The following KCTD8 variants were observed in gnomAD, a reference collection of about 807,000 sequenced individuals.
KCTD8 encodes BTB/POZ domain-containing protein KCTD8.
In KCTD8, 27 loss-of-function variants were observed where a neutral mutation model predicts 31.5. That is an observed-to-expected ratio of 0.86 (90% CI 0.63 to 1.18). The LOEUF (loss-of-function observed/expected upper bound fraction) is 1.18, where lower values mean the gene tolerates loss of function less well. Ranked by LOEUF, KCTD8 falls within the 50% of genes most tolerant of loss-of-function variation. The pLI is 0.00. For synonymous variants in KCTD8, 290 were observed against 280.0 expected (o/e 1.04, Z -0.36); for missense variants, 658 against 647.7 (o/e 1.02, Z -0.17).
At chr4:44,394,602 T>C (rs1170188001) in intron 1 of KCTD8, among the ~76,000 whole-genome samples, 7 of 152,082 alleles carry the variant, frequency 4.6e-5, no homozygotes, top group Admixed American at 4.6e-4. Flanking sequence ...TTCAAATCTG[T>C]CTCTCTGACA....
intron 1 of KCTD8, among the ~76,000 whole-genome samples, chr4:44,212,915 C>T (rs1249213698): frequency 1.3e-4 from 20 of 151,912 alleles, no homozygotes; most frequent in Admixed American, 1.3e-3. Flanking sequence ...ATTCACTCTT[C>T]TTTTGTCTTT....
intron 1 of KCTD8, among the ~76,000 whole-genome samples, chr4:44,264,827 G>C (rs538733131): frequency 1.3e-5 from 2 of 152,198 alleles, no homozygotes; most frequent in African/African-American, 4.8e-5. Flanking sequence ...AGGCAGCAGC[G>C]AGGCTGGGGG....
At chr4:44,231,343 C>T (rs557777775) in intron 1 of KCTD8, among the ~76,000 whole-genome samples, 6 of 152,036 alleles carry the variant, frequency 3.9e-5, no homozygotes, top group South Asian at 2.1e-4. Context: ...CTATAATTAG[C>T]GAGCACTGTA....
intron 1 of KCTD8, among the ~76,000 whole-genome samples, chr4:44,284,109 C>A (rs778949295): frequency 7.2e-4 from 109 of 151,952 alleles, no homozygotes; most frequent in Non-Finnish European, 1.4e-3. Flanking sequence ...ACTTTCTTCA[C>A]AGAATTCGAA....
At chr4:44,191,690 C>T (rs547143677) in intron 1 of KCTD8, among the ~76,000 whole-genome samples, 6 of 152,204 alleles carry the variant, frequency 3.9e-5, no homozygotes, top group East Asian at 1.9e-4. Flanking sequence ...GAAAAAATCC[C>T]GCCCTGGTAA....
chr4:44,184,013 A>G (rs1370033858), intron 1 of KCTD8, among the ~76,000 whole-genome samples: 1 of 152,230 alleles, frequency 6.6e-6, no homozygotes, highest in Non-Finnish European at 1.5e-5. Flanking sequence ...ACAAACATTT[A>G]CTGAGCACCT....
rs370563352 is a variant in KCTD8, at chr4:44,211,111, C to T, written c.962-35861G>A. ...ATTAGAATGAAGGAAATATTAGGCT[C>T]ATTTTATTTATTTTTTAAAATTTTG... On this transcript the variant is annotated intron_variant, in intron 1 of 1. Transcript: ENST00000360029. Among the ~76,000 whole-genome samples, 3 of 152,102 alleles carry T rather than the reference C, an allele frequency of 2.0e-5. 1 individual carries two copies. Among genetic ancestry groups the T allele is most frequent in the South Asian group, 4.1e-4 (2 of 4,822 alleles).
chr4:44,313,215 G>A (rs930966354), intron 1 of KCTD8, among the ~76,000 whole-genome samples: 1 of 152,178 alleles, frequency 6.6e-6, no homozygotes, highest in African/African-American at 2.4e-5. Flanking sequence ...CACTTCTAGT[G>A]TTTTGCCCAA....
At chr4:44,237,591 A>T (rs1715330332) in intron 1 of KCTD8, among the ~76,000 whole-genome samples, 1 of 152,194 alleles carries the variant, frequency 6.6e-6, no homozygotes, top group Non-Finnish European at 1.5e-5. Flanking sequence ...CATCTGTTTA[A>T]CTCACATATC....
At chr4:44,405,241 T>G (rs935069580) in intron 1 of KCTD8, among the ~76,000 whole-genome samples, 21 of 149,410 alleles carry the variant, frequency 1.4e-4, no homozygotes, top group Middle Eastern at 3.4e-3. Flanking sequence ...AGCCAGGTGT[T>G]TTTGTTTGTT....
intron 1 of KCTD8, among the ~76,000 whole-genome samples, chr4:44,355,539 T>A (rs1719321126): frequency 6.6e-6 from 1 of 152,212 alleles, no homozygotes; most frequent in Non-Finnish European, 1.5e-5. Flanking sequence ...TTTAAAAATA[T>A]TCTTTGCCAT....
chr4:44,219,052 G>C (rs2109347103), intron 1 of KCTD8, among the ~76,000 whole-genome samples: 1 of 152,218 alleles, frequency 6.6e-6, no homozygotes, highest in East Asian at 1.9e-4. Context: ...ACACAGGTTT[G>C]CTTCACTCAC....
chr4:44,175,099 G>C lies in KCTD8; in HGVS notation c.1113C>G (p.Asp371Glu). 3.7e-6 allele frequency: 6 copies of C among 1,614,064 alleles called. No homozygotes were observed. The highest frequency in any genetic ancestry group is 5.1e-6 in the Non-Finnish European group (6 of 1,179,988). Residue 371 changes from aspartate to glutamate, a missense_variant, in exon 2 of 2, where the codon GAC becomes GAG. Physicochemically the swap from Asp to Glu is conservative, Grantham distance 45. Coordinates refer to ENST00000360029, the MANE Select transcript of KCTD8 (RefSeq NM_198353.3). Reference protein sequence around the residue: ...DSHSEASTPQDNPSSAQQATA... With the variant: ...DSHSEASTPQENPSSAQQATA... ...TTGCCTGCTGGGCACTGGATGGGTT[G>C]TCCTGGGGAGTGCTTGCCTCTGAAT...
intron 1 of KCTD8, among the ~76,000 whole-genome samples, chr4:44,242,759 C>T (rs544909749): frequency 5.9e-5 from 9 of 152,186 alleles, no homozygotes; most frequent in Admixed American, 5.9e-4. Flanking sequence ...CCCCTTGGTG[C>T]TGTCCTCTTA....
chr4:44,263,153 T>G (rs1452178395), intron 1 of KCTD8, among the ~76,000 whole-genome samples: 1 of 152,148 alleles, frequency 6.6e-6, no homozygotes, highest in Non-Finnish European at 1.5e-5. Flanking sequence ...CTTTTTATAT[T>G]TTTATAATCT....
intron 1 of KCTD8, among the ~76,000 whole-genome samples, chr4:44,261,581 C>T (rs1419702629): frequency 6.6e-6 from 1 of 151,914 alleles, no homozygotes; most frequent in Non-Finnish European, 1.5e-5. Flanking sequence ...TTTTGACCAA[C>T]ATTTCCACAT....
intron 1 of KCTD8, among the ~76,000 whole-genome samples, chr4:44,300,294 T>C (rs968994781): frequency 2.6e-5 from 4 of 152,126 alleles, no homozygotes; most frequent in African/African-American, 9.7e-5. Context: ...ATATAATAAA[T>C]GTAAAGCACT....
chr4:44,273,322 AT>A (rs1174673214), intron 1 of KCTD8, among the ~76,000 whole-genome samples: 2 of 151,994 alleles, frequency 1.3e-5, no homozygotes, highest in African/African-American at 4.8e-5. Flanking sequence ...CCAGGATCAA[AT>A]TTACAGCCAA....
At chr4:44,258,213 A>G (rs1230402220) in intron 1 of KCTD8, among the ~76,000 whole-genome samples, 1 of 151,990 alleles carries the variant, frequency 6.6e-6, no homozygotes, top group African/African-American at 2.4e-5. Context: ...TTAAGGCAAT[A>G]TCTAAATATT....
Sources: gnomAD v4.1 joint callset for allele counts (sites outside exome capture counted in the v4.1 genomes callset) on GRCh38, gnomAD v4.1.1 for gene constraint, MANE v1.5 for transcripts, NCBI Gene and HGNC (gene_info 2026-07-23, HGNC 2026-07-21) for gene names.